The following FOXO3 variants were observed in gnomAD, a reference collection of about 807,000 sequenced individuals.
The protein encoded by FOXO3 is forkhead box protein O3.
A neutral mutation model predicts 41.9 loss-of-function variants in FOXO3; 4 were observed. The ratio of observed to expected loss-of-function variants is 0.10; its 90% CI spans 0.05 to 0.22. The LOEUF (loss-of-function observed/expected upper bound fraction) is 0.22, where lower values mean the gene tolerates loss of function less well. Among genes scored for constraint, FOXO3 ranks in the 10% least tolerant of loss-of-function variants. The probability of loss-of-function intolerance (pLI) is 1.00; values close to 1 mark genes in which losing one functional copy is unlikely to be tolerated. For missense variants in FOXO3, 534 were observed against 906.8 expected, an observed-to-expected ratio of 0.59 and a Z score of 5.28; for synonymous variants, 318 against 389.3, an observed-to-expected ratio of 0.82 and a Z score of 2.16.
At chr6:108,626,154 C>T (rs1777809575) in intron 1 of FOXO3, among the ~76,000 whole-genome samples, 1 of 152,192 alleles carries the variant, frequency 6.6e-6, no homozygotes, top group Non-Finnish European at 1.5e-5. Context: ...TAAACAGCTA[C>T]CATTTTAATG....
chr6:108,617,935 C>A, intron 1 of FOXO3: 1 of 450,508 alleles, frequency 2.2e-6, no homozygotes, highest in South Asian at 2.0e-5. Flanking sequence ...TTGCAGTTTT[C>A]TACTTGAGAA....
intron 1 of FOXO3, among the ~76,000 whole-genome samples, chr6:108,615,120 TTAGA>T (rs1379650163): frequency 2.6e-5 from 4 of 152,156 alleles, no homozygotes; most frequent in Admixed American, 6.5e-5. Context: ...TATTTTTGCC[TTAGA>T]TAGTCATTAT....
chr6:108,680,310 C>T lies in FOXO3; in HGVS notation c.*518C>T, dbSNP rs991374907. On this transcript the variant is annotated 3_prime_UTR_variant, in exon 3 of 3. Coordinates refer to ENST00000406360, the MANE Select transcript of FOXO3 (RefSeq NM_001455.4). ...GAAAATGTTGTACCAGTTACCATTC[C>T]GGGTTCGAGCATCACAAGCTTTTGA... 3.3e-5 allele frequency: 5 copies of T among 152,678 alleles called. No individual in the cohort carries two copies. The highest frequency in any genetic ancestry group is 4.1e-4 in the South Asian group (2 of 4,820). The allele number at this position is 152,678 out of a possible 1,614,324, so 9.5% of individuals were successfully genotyped here.
chr6:108,563,799 T>TG (rs905764201), intron 1 of FOXO3, among the ~76,000 whole-genome samples: 5 of 152,150 alleles, frequency 3.3e-5, no homozygotes, highest in African/African-American at 9.7e-5. Flanking sequence ...ACTTTATTTT[T>TG]GGGGGGAAGA....
chr6:108,621,071 A>G (rs1247372597), intron 1 of FOXO3, among the ~76,000 whole-genome samples: 1 of 152,218 alleles, frequency 6.6e-6, no homozygotes, highest in African/African-American at 2.4e-5. Flanking sequence ...GTTTGGATGG[A>G]AAATCTATGT....
At chr6:108,617,289 GTTAA>G (rs1456641446) in intron 1 of FOXO3, among the ~76,000 whole-genome samples, 1 of 152,118 alleles carries the variant, frequency 6.6e-6, no homozygotes, top group African/African-American at 2.4e-5. Context: ...TTCTGGGTCT[GTTAA>G]TTGATTGATT....
At chr6:108,638,219 A>G (rs1351309274) in intron 1 of FOXO3, among the ~76,000 whole-genome samples, 2 of 152,200 alleles carry the variant, frequency 1.3e-5, no homozygotes, top group African/African-American at 4.8e-5. Context: ...ATGCAGTCCT[A>G]AGAAACCCCA....
At position 108,664,377 on chromosome 6, in the gene FOXO3, C is replaced by T. The variant is rs368031979; in HGVS notation, c.1544C>T (p.Pro515Leu). ...CGGAACGTGATGCTTCGCAATGATCCGATGATGTCCTTTGCTGCCCAGCCT... is the reference window on the plus strand; with the variant it reads ...CGGAACGTGATGCTTCGCAATGATCTGATGATGTCCTTTGCTGCCCAGCCT... ...SRRNVMLRND[P>L]MMSFAAQPNQ... Residue 515 changes from proline (P) to leucine (L), a missense_variant, in exon 2 of 3, where the codon CCG becomes CTG. Pro to Leu is a moderately conservative substitution (Grantham distance 98, BLOSUM62 -3). Coordinates refer to ENST00000406360, the MANE Select transcript of FOXO3 (RefSeq NM_001455.4). The T allele has an allele frequency of 6.0e-5, 97 of 1,613,634 alleles. No homozygotes were observed. Among genetic ancestry groups the T allele is most frequent in the South Asian group, 1.5e-4 (14 of 91,036 alleles).
At chr6:108,652,857 C>T (rs1371798176) in intron 1 of FOXO3, among the ~76,000 whole-genome samples, 1 of 152,090 alleles carries the variant, frequency 6.6e-6, no homozygotes, top group Non-Finnish European at 1.5e-5. Context: ...GGACTCTGAG[C>T]CAACTGAATT....
At chr6:108,562,313 A>G (rs1453703742) in intron 1 of FOXO3, among the ~76,000 whole-genome samples, 2 of 152,100 alleles carry the variant, frequency 1.3e-5, no homozygotes, top group African/African-American at 2.4e-5. Context: ...CACTAGCTGA[A>G]TGAGAACCTT....
chr6:108,597,982 G>A (rs765538589), intron 1 of FOXO3, among the ~76,000 whole-genome samples: 35 of 152,148 alleles, frequency 2.3e-4, no homozygotes, highest in Non-Finnish European at 4.9e-4. Flanking sequence ...GTTAAATAGT[G>A]TCTTTTAAAC....
chr6:108,560,853 A>G (rs184776034), upstream of FOXO3: 8 of 522,414 alleles, frequency 1.5e-5, no homozygotes, highest in Non-Finnish European at 1.6e-5. Context: ...CGGCGGGGGG[A>G]GGGGGCTGCC....
At chr6:108,658,597 G>A (rs558455763) in intron 1 of FOXO3, among the ~76,000 whole-genome samples, 1 of 152,098 alleles carries the variant, frequency 6.6e-6, no homozygotes, top group Non-Finnish European at 1.5e-5. Flanking sequence ...ATCCAGGCTG[G>A]AGTGCAGTGG....
intron 1 of FOXO3, among the ~76,000 whole-genome samples, chr6:108,655,146 C>G (rs568110705): frequency 2.0e-5 from 3 of 152,316 alleles, no homozygotes; most frequent in African/African-American, 7.2e-5. Context: ...TTCTTTCTGT[C>G]CATGCCTGTG....
At chr6:108,574,152 CAAAAAAAAAAA>C (rs1200932714) in intron 1 of FOXO3, among the ~76,000 whole-genome samples, 1 of 72,800 alleles carries the variant, frequency 1.4e-5, no homozygotes, top group Non-Finnish European at 2.8e-5. Context: ...GACTCTGTCT[CAAAAAAAAAAA>C]AAAAAAAAAG....
intron 1 of FOXO3, among the ~76,000 whole-genome samples, chr6:108,610,762 T>G (rs1777338458): frequency 6.6e-6 from 1 of 152,188 alleles, no homozygotes; most frequent in Non-Finnish European, 1.5e-5. Context: ...AATCCTGCTG[T>G]TTTTGTGGCA....
In FOXO3 at chr6:108,604,590, A is replaced by G. The variant is rs553703832; in HGVS notation, c.621+42761A>G. On this transcript the variant is annotated intron_variant, in intron 1 of 2. Transcript: ENST00000406360. ...TTGTTCATTATTATGTTTTAACAAG[A>G]AATAAGTGTTACAGTGTTAGAGTCT... Among the ~76,000 whole-genome samples the G allele has an allele frequency of 2.4e-4, 37 of 152,336 alleles. 1 individual carries two copies. In the South Asian group the frequency reaches 5.0e-3, roughly 20 times the overall value.
At chr6:108,635,771 G>A (rs1778105480) in intron 1 of FOXO3, among the ~76,000 whole-genome samples, 1 of 152,212 alleles carries the variant, frequency 6.6e-6, no homozygotes, top group African/African-American at 2.4e-5. Flanking sequence ...AAGTAAGGCT[G>A]TGTGAATTAC....
At chr6:108,632,427 A>G (rs970222171) in intron 1 of FOXO3, among the ~76,000 whole-genome samples, 2 of 152,222 alleles carry the variant, frequency 1.3e-5, no homozygotes, top group African/African-American at 4.8e-5. Flanking sequence ...TTACCATATA[A>G]TAGCAACTAT....
Sources: allele counts gnomAD v4.1 joint callset (sites outside exome capture counted in the v4.1 genomes callset), GRCh38; gene constraint gnomAD v4.1.1; transcripts MANE v1.5; gene names NCBI Gene and HGNC (gene_info 2026-07-23, HGNC 2026-07-21).